C7: variants seen among roughly 807,000 people sequenced by gnomAD.
C7 encodes complement C7.
A neutral mutation model predicts 104.8 loss-of-function variants in C7; 83 were observed. That is an observed-to-expected ratio of 0.79 (90% confidence interval 0.66 to 0.95). C7 has a LOEUF of 0.95. Among genes scored for constraint, C7 ranks in the 40% least tolerant of loss-of-function variants. The pLI, the probability that C7 is intolerant of heterozygous loss-of-function variation, is 0.00. For synonymous variants in C7, 415 were observed against 360.6 expected (o/e 1.15, Z -1.71); for missense variants, 1,070 against 1,011.2 (o/e 1.06, Z -0.79).
chr5:40,932,284 T>C (rs1177266580), intron 3 of C7, among the ~76,000 whole-genome samples: 1 of 152,182 alleles, frequency 6.6e-6, no homozygotes, highest in Admixed American at 6.5e-5. Flanking sequence ...TCCACTTTTT[T>C]ATTGTTTGAT....
chr5:40,911,974 T>C (rs1739218665), intron 1 of C7, among the ~76,000 whole-genome samples: 1 of 151,684 alleles, frequency 6.6e-6, no homozygotes, highest in Non-Finnish European at 1.5e-5. Flanking sequence ...GGTCTTGAAC[T>C]CCTGACCTCA....
At chr5:40,943,984 C>T (rs1408896714) in intron 6 of C7, among the ~76,000 whole-genome samples, 1 of 152,164 alleles carries the variant, frequency 6.6e-6, no homozygotes, top group Non-Finnish European at 1.5e-5. Context: ...AGCATCTTCA[C>T]ACTTATACCT....
intron 4 of C7, among the ~76,000 whole-genome samples, chr5:40,935,809 T>C (rs2111594865): frequency 6.6e-6 from 1 of 152,344 alleles, no homozygotes; most frequent in East Asian, 1.9e-4. Flanking sequence ...TTTGTAGTAT[T>C]TCCTATTAGA....
chr5:40,936,250 C>A, intron 4 of C7, 88 bp from the exon 5 acceptor site: 3 of 1,126,640 alleles, frequency 2.7e-6, no homozygotes, highest in Non-Finnish European at 4.0e-6. Flanking sequence ...TGCAGTGTTA[C>A]AGGTAGCAGG....
At chr5:40,913,966 A>G (rs2111607518) in intron 1 of C7, among the ~76,000 whole-genome samples, 1 of 152,288 alleles carries the variant, frequency 6.6e-6, no homozygotes, top group South Asian at 2.1e-4. Flanking sequence ...GGCGTGAGTC[A>G]CTGCGTCCGA....
rs183485782 is a variant in C7 at position 40,927,052 on chromosome 5, A to G, written c.7-1528A>G. On this transcript the variant is annotated intron_variant, in intron 1 of 17. Transcript: ENST00000313164. The stretch of plus-strand genomic sequence containing the variant: ...ATGATCCTGGCAAAACAATAGACCC[A>G]TCAACCAGTGGAACAGAATAGAGAG... 9.1e-4 allele frequency among the ~76,000 whole-genome samples: 138 copies of G among 152,242 alleles called. 1 individual carries two copies. The highest frequency in any genetic ancestry group is 3.2e-3 in the African/African-American group (133 of 41,556).
At chr5:40,910,417 T>A (rs934155014) in intron 1 of C7, among the ~76,000 whole-genome samples, 1 of 152,170 alleles carries the variant, frequency 6.6e-6, no homozygotes, top group South Asian at 2.1e-4. Flanking sequence ...ATTGCTTCCA[T>A]AGTCACTGTA....
chr5:40,965,555 A>T (rs1740525492), intron 14 of C7, among the ~76,000 whole-genome samples: 1 of 151,936 alleles, frequency 6.6e-6, no homozygotes. Flanking sequence ...CTCTAGCATA[A>T]TCTGATAAAT....
At chr5:40,916,155 C>T (rs901157581) in intron 1 of C7, among the ~76,000 whole-genome samples, 1 of 151,456 alleles carries the variant, frequency 6.6e-6, no homozygotes, top group Non-Finnish European at 1.5e-5. Context: ...AATTTGACAA[C>T]CAGAAATAAA....
intron 7 of C7, among the ~76,000 whole-genome samples, chr5:40,947,317 C>T (rs1286478491): frequency 1.3e-5 from 2 of 151,706 alleles, no homozygotes; most frequent in African/African-American, 2.4e-5. Flanking sequence ...CCAGGCTGGT[C>T]TCAAGTGCTC....
intron 1 of C7, among the ~76,000 whole-genome samples, chr5:40,923,663 T>C (rs1469890938): frequency 6.6e-6 from 1 of 151,892 alleles, no homozygotes; most frequent in African/African-American, 2.4e-5. Context: ...GGAGAATCAC[T>C]TGAACCCAGG....
At chr5:40,956,139 G>C (rs889819361) in intron 10 of C7, among the ~76,000 whole-genome samples, 2 of 152,174 alleles carry the variant, frequency 1.3e-5, no homozygotes, top group African/African-American at 4.8e-5. Context: ...ATTTTCATCT[G>C]TCACACTCAT....
Position 40,983,546 on chromosome 5 carries a change from A to T in C7, c.*1973A>T, listed in dbSNP as rs375742539. Reference sequence around the variant, plus strand: ...GTTGTCGTGAAGAGGTGTTGTCTTGAAATACTGTATTTTTTTCCTCCTTTT... The same window carrying T: ...GTTGTCGTGAAGAGGTGTTGTCTTGTAATACTGTATTTTTTTCCTCCTTTT... On this transcript the variant is annotated 3_prime_UTR_variant, in exon 18 of 18. Transcript: ENST00000313164. Among the ~76,000 whole-genome samples the T allele has an allele frequency of 2.2e-4, 34 of 152,262 alleles. No individual in the cohort carries two copies. In the East Asian group the frequency reaches 2.3e-3, roughly 10 times the overall value.
intron 7 of C7, among the ~76,000 whole-genome samples, chr5:40,946,357 A>T (rs1053177133): frequency 6.6e-6 from 1 of 152,078 alleles, no homozygotes; most frequent in Non-Finnish European, 1.5e-5. Flanking sequence ...TGCACATTTC[A>T]TCACATCTTA....
chr5:40,937,305 A>G, intron 5 of C7: 1 of 262,134 alleles, frequency 3.8e-6, no homozygotes, highest in Non-Finnish European at 7.1e-6. Flanking sequence ...ATGTTCTTAG[A>G]TGGAAAGAAT....
intron 10 of C7, among the ~76,000 whole-genome samples, chr5:40,955,961 A>T (rs1393156755): frequency 2.0e-5 from 3 of 152,180 alleles, no homozygotes; most frequent in Non-Finnish European, 4.4e-5. Flanking sequence ...CTGAAGTCAT[A>T]CAAAGTAGGA....
chr5:40,977,672 G>A (rs913143675), intron 16 of C7, among the ~76,000 whole-genome samples: 1 of 152,126 alleles, frequency 6.6e-6, no homozygotes, highest in Admixed American at 6.5e-5. Context: ...TCTCCTGCTA[G>A]TCAGTGCTCA....
intron 1 of C7, among the ~76,000 whole-genome samples, chr5:40,915,436 A>G (rs1286857737): frequency 1.1e-4 from 17 of 152,188 alleles, no homozygotes; most frequent in Non-Finnish European, 1.8e-4. Context: ...TTGAAGTTTG[A>G]ATATTATAAT....
chr5:40,960,187 A>T (rs963176289), intron 12 of C7, among the ~76,000 whole-genome samples: 3 of 152,214 alleles, frequency 2.0e-5, no homozygotes, highest in Non-Finnish European at 1.5e-5. Context: ...TGCAAAAGCC[A>T]TCTCAAAAAT....
Sources: gnomAD v4.1 joint callset for allele counts (sites outside exome capture counted in the v4.1 genomes callset) on GRCh38, gnomAD v4.1.1 for gene constraint, MANE v1.5 for transcripts, NCBI Gene and HGNC (gene_info 2026-07-23, HGNC 2026-07-21) for gene names.